Variants in CACNA1B observed in about 807,000 individuals in gnomAD.
CACNA1B encodes the protein calcium voltage-gated channel subunit alpha1 B, also known as voltage-dependent N-type calcium channel subunit alpha-1B.
CACNA1B carries 70 observed loss-of-function variants against 247.2 expected under a neutral mutation model. The observed-to-expected ratio is 0.28, with a 90% confidence interval of 0.23 to 0.35. The LOEUF (loss-of-function observed/expected upper bound fraction) is 0.35. Ranked by LOEUF, CACNA1B falls within the 10% of genes least tolerant of loss-of-function variation. The pLI, the probability that CACNA1B is intolerant of heterozygous loss-of-function variation, is 1.00. For missense variants in CACNA1B, 2,367 were observed against 3,197.4 expected (o/e 0.74, Z 6.26); for synonymous variants, 1,231 against 1,294.4 (o/e 0.95, Z 1.05).
chr9:138,036,837 G>A (rs577114018), intron 20 of CACNA1B, among the ~76,000 whole-genome samples: 52 of 152,232 alleles, frequency 3.4e-4, no homozygotes, highest in African/African-American at 1.2e-3. Context: ...GGTGTAATAC[G>A]CCAATAAGCA....
At position 138,050,839 on chromosome 9, in the gene CACNA1B, C is replaced by T. The variant is rs940070399; in HGVS notation, c.3711-1253C>T. Reference sequence around the variant, plus strand: ...GAGACAGGAGGCTGGGTTCTTCCCACCTGGAAGCGTTTCAGGGGGAGTTTG... The same window carrying T: ...GAGACAGGAGGCTGGGTTCTTCCCATCTGGAAGCGTTTCAGGGGGAGTTTG... On this transcript the variant is annotated intron_variant, in intron 24 of 46. Transcript: ENST00000371372. This position sits in a 1 kb window ranked among gnomAD's most constrained non-coding sequence, Gnocchi z 5.2. 6.6e-6 allele frequency among the ~76,000 whole-genome samples: 1 copy of T among 152,168 alleles called. No homozygotes were observed. Among genetic ancestry groups the T allele is most frequent in the Non-Finnish European group, 1.5e-5 (1 of 68,026 alleles).
At position 138,044,228 on chromosome 9, in the gene CACNA1B, C is replaced by T. The variant is rs72769078; in HGVS notation, c.3413+328C>T. Among the ~76,000 whole-genome samples, 2,072 of 152,362 alleles carry T rather than the reference C, an allele frequency of 0.014. 15 individuals are homozygous for T. The highest frequency in any genetic ancestry group is 0.017 in the Middle Eastern group (5 of 294). On this transcript the variant is annotated intron_variant, in intron 21 of 46. Coordinates refer to ENST00000371372, the MANE Select transcript of CACNA1B (RefSeq NM_000718.4). ...TCCATCCATCTGCCTTCCCATCACACCTGGCACCTGTGTTGCCTGCGTGTG... is the reference window on the plus strand; with the variant it reads ...TCCATCCATCTGCCTTCCCATCACATCTGGCACCTGTGTTGCCTGCGTGTG...
At chr9:138,048,578 C>T (rs1959203893) in intron 23 of CACNA1B, among the ~76,000 whole-genome samples, 2 of 152,226 alleles carry the variant, frequency 1.3e-5, no homozygotes, top group Admixed American at 6.5e-5. Flanking sequence ...AAAGGTGTCT[C>T]TAAGGTGCAC....
rs185964501 is a variant in CACNA1B, at chr9:137,957,040, C to G, written c.1243+213C>G. On this transcript the variant is annotated intron_variant, in intron 9 of 46. Coordinates refer to ENST00000371372, the MANE Select transcript of CACNA1B (RefSeq NM_000718.4). The surrounding 1 kb of genome is among the most constrained non-coding windows in gnomAD (Gnocchi z 4.7). The stretch of plus-strand genomic sequence containing the variant: ...CAGGTTTAAACCGAGCTGTGTCTAT[C>G]CCCAGGGCTTGGGGTGCTGCTGCTC... Among the ~76,000 whole-genome samples, 1 of 152,226 alleles carries G rather than the reference C, an allele frequency of 6.6e-6. No homozygotes were observed. Among genetic ancestry groups the G allele is most frequent in the Non-Finnish European group, 1.5e-5 (1 of 68,032 alleles).
intron 6 of CACNA1B, among the ~76,000 whole-genome samples, chr9:137,940,285 T>G (rs1476022738): frequency 6.6e-6 from 1 of 152,178 alleles, no homozygotes; most frequent in Non-Finnish European, 1.5e-5. Flanking sequence ...AAGGCTACTG[T>G]GAACACCTTT....
In CACNA1B at chr9:137,986,164, A is replaced by G. The variant is rs895065357; in HGVS notation, c.1770-249A>G. Among the ~76,000 whole-genome samples, 11 of 152,140 alleles carry G rather than the reference A, an allele frequency of 7.2e-5. No individual in the cohort carries two copies. Among genetic ancestry groups the G allele is most frequent in the African/African-American group, 2.7e-4 (11 of 41,440 alleles). On this transcript the variant is annotated intron_variant, in intron 13 of 46. Coordinates refer to ENST00000371372, the MANE Select transcript of CACNA1B (RefSeq NM_000718.4). The surrounding 1 kb of genome is among the most constrained non-coding windows in gnomAD (Gnocchi z 6.0). ...GCCTCGTCCTCCTGAACCTAGGGAC[A>G]GGGAGCAGTTTGGGAGGACGAAGTG...
In CACNA1B at chr9:138,058,120, C is replaced by A; in HGVS notation, c.4178C>A (p.Ser1393Tyr). The change falls in exon 28 of 47, where the codon TCC (serine) becomes TAC (tyrosine). Residue 1393 changes from serine (S) to tyrosine (Y), a missense_variant. Physicochemically the swap from Ser to Tyr is moderately radical, Grantham distance 144. Around this residue, in one of 12 missense-constraint regions of CACNA1B, gnomAD observed 436 missense variants for 679.5 expected, o/e 0.64. Transcript: ENST00000371372. The surrounding 1 kb of genome is among the most constrained non-coding windows in gnomAD (Gnocchi z 4.7). ...AGCCCTGGGTACCGCATGGAGCTGT[C>A]CATCTTCTACGTGGTCTACTTTGTG... is the stretch of plus-strand genomic sequence containing the variant. ...GPSPGYRMEL[S>Y]IFYVVYFVVF... 6.2e-7 allele frequency: 1 copy of A among 1,613,892 alleles called. No individual in the cohort carries two copies. The highest frequency in any genetic ancestry group is 8.5e-7 in the Non-Finnish European group (1 of 1,179,732).
intron 16 of CACNA1B, among the ~76,000 whole-genome samples, chr9:138,008,472 A>C (rs1213679177): frequency 3.3e-5 from 5 of 152,194 alleles, no homozygotes. Flanking sequence ...GCCTGGCCTC[A>C]GTGTCCTGCC....
Position 138,103,095 on chromosome 9 carries a change from C to T in CACNA1B, c.5319+288C>T, listed in dbSNP as rs117556930. 3.5e-4 allele frequency among the ~76,000 whole-genome samples: 53 copies of T among 151,918 alleles called. No individual in the cohort carries two copies. The East Asian group carries it at 9.4e-3, about 27-fold the overall frequency. On this transcript the variant is annotated intron_variant, in intron 38 of 46. Transcript: ENST00000371372. The stretch of plus-strand genomic sequence containing the variant: ...AGGCTCAGGAAGACAGAACTAGACC[C>T]TCCTCCCTGCCTTTTCTCCCTCCCT...
intron 5 of CACNA1B, among the ~76,000 whole-genome samples, chr9:137,916,388 G>T (rs563121702): frequency 1.3e-5 from 2 of 152,176 alleles, no homozygotes; most frequent in African/African-American, 4.8e-5. Context: ...TGAGAGTGAA[G>T]GGGGTAAACG....
chr9:137,992,317 G>C (rs941895859), intron 15 of CACNA1B, among the ~76,000 whole-genome samples: 6 of 152,120 alleles, frequency 3.9e-5, no homozygotes, highest in African/African-American at 1.2e-4. Context: ...AGACTTTAGA[G>C]CAACAGCACT....
Position 138,052,966 on chromosome 9 carries a change from A to G in CACNA1B, c.3807+778A>G, listed in dbSNP as rs1255452495. Among the ~76,000 whole-genome samples the G allele has an allele frequency of 6.6e-6, 1 of 152,204 alleles. No homozygotes were observed. The highest frequency in any genetic ancestry group is 2.4e-5 in the African/African-American group (1 of 41,456). ...AGAGCAGCCTGTGAGGTGTCTTCCCAGCTCTGAGAGCAGCATTGTGTGCAC... is the reference window on the plus strand; with the variant it reads ...AGAGCAGCCTGTGAGGTGTCTTCCCGGCTCTGAGAGCAGCATTGTGTGCAC... On this transcript the variant is annotated intron_variant, in intron 25 of 46. Transcript: ENST00000371372. The surrounding 1 kb of genome is among the most constrained non-coding windows in gnomAD (Gnocchi z 5.1).
intron 39 of CACNA1B, among the ~76,000 whole-genome samples, chr9:138,111,889 C>T (rs1489455636): frequency 1.3e-5 from 2 of 152,174 alleles, no homozygotes; most frequent in Admixed American, 6.5e-5. Context: ...TGATATTCCC[C>T]TTCCCCGCTC....
rs574443980 is a variant in CACNA1B at position 138,047,021 on chromosome 9, G to T, written c.3531G>T (p.Ser1177=). ...LAAEDPVRTD[S]PRNNALKYLD... The stretch of plus-strand genomic sequence containing the variant: ...CTGAGGACCCAGTGCGCACAGACTC[G>T]CCCAGGAACAACGTGAGTGGCCCGG... Residue 1177 remains serine (S), a synonymous_variant, in exon 22 of 47, where the codon TCG becomes TCT. Transcript: ENST00000371372. 2.4e-5 allele frequency: 38 copies of T among 1,610,756 alleles called. No individual in the cohort carries two copies. In the East Asian group the frequency reaches 7.6e-4, roughly 32 times the overall value.
At chr9:138,036,109 C>T (rs534277733) in intron 20 of CACNA1B, among the ~76,000 whole-genome samples, 6 of 151,990 alleles carry the variant, frequency 3.9e-5, no homozygotes, top group East Asian at 1.9e-4. Context: ...CTTTCCCCCC[C>T]GCCCCTTCTG....
chr9:137,931,120 C>T (rs377274391), intron 6 of CACNA1B, among the ~76,000 whole-genome samples: 131 of 151,982 alleles, frequency 8.6e-4, no homozygotes, highest in African/African-American at 3.0e-3. Context: ...AGGTTCTTGG[C>T]GGTTTGAACA....
intron 3 of CACNA1B, among the ~76,000 whole-genome samples, chr9:137,900,828 T>C (rs1957229331): frequency 7.2e-6 from 1 of 138,204 alleles, no homozygotes; most frequent in Admixed American, 7.1e-5. Flanking sequence ...CTGTGTGTCC[T>C]TGTGTCTGTG....
chr9:138,051,367 G>A lies in CACNA1B; in HGVS notation c.3711-725G>A, dbSNP rs373662093. ...TCTGTGCCTGGAATTTTCTTTCCCC[G>A]ACTTCCTGCCTTGCCGTCCCTGCTC... is the stretch of plus-strand genomic sequence containing the variant. On this transcript the variant is annotated intron_variant, in intron 24 of 46. Coordinates refer to ENST00000371372, the MANE Select transcript of CACNA1B (RefSeq NM_000718.4). This position sits in a 1 kb window ranked among gnomAD's most constrained non-coding sequence, Gnocchi z 4.3. Among the ~76,000 whole-genome samples the A allele has an allele frequency of 3.4e-4, 51 of 151,542 alleles. No individual in the cohort carries two copies. The East Asian group carries it at 7.9e-3, about 23-fold the overall frequency.
intron 41 of CACNA1B, among the ~76,000 whole-genome samples, chr9:138,114,937 C>T (rs908227197): frequency 6.6e-6 from 1 of 152,208 alleles, no homozygotes; most frequent in Non-Finnish European, 1.5e-5. Flanking sequence ...GGGGACCCAT[C>T]TTCCCGATGT....
Sources: gnomAD v4.1 joint callset for allele counts (sites outside exome capture counted in the v4.1 genomes callset) on GRCh38, gnomAD v4.1.1 for gene constraint, gnomAD v4.1.1 regional missense constraint, Gnocchi (gnomAD v3.1) non-coding constraint, MANE v1.5 for transcripts, NCBI Gene and HGNC (gene_info 2026-07-23, HGNC 2026-07-21) for gene names.